TMEM132D: variants seen among roughly 807,000 people sequenced by gnomAD.
The protein encoded by TMEM132D is mature OL transmembrane protein.
A neutral mutation model predicts 62.3 loss-of-function variants in TMEM132D; 21 were observed. That is an observed-to-expected ratio of 0.34 (90% CI 0.24 to 0.49). The LOEUF (loss-of-function observed/expected upper bound fraction) is 0.49. Among genes scored for constraint, TMEM132D ranks in the 20% least tolerant of loss-of-function variants. TMEM132D has a pLI of 0.99. For missense variants in TMEM132D, 1,346 were observed against 1,402.8 expected (o/e 0.96, Z 0.65); for synonymous variants, 621 against 575.6 (o/e 1.08, Z -1.13).
intron 4 of TMEM132D, among the ~76,000 whole-genome samples, chr12:129,297,868 G>A (rs1013655327): frequency 1.3e-5 from 2 of 152,118 alleles, no homozygotes; most frequent in Non-Finnish European, 2.9e-5. Context: ...GGCTACTTAA[G>A]CAGCCAGTAT....
intron 1 of TMEM132D, among the ~76,000 whole-genome samples, chr12:129,748,394 CA>C (rs368888841): frequency 0.016 from 2,358 of 152,112 alleles, 29 homozygotes; most frequent in Middle Eastern, 0.044. Flanking sequence ...GGTGGTAAAC[CA>C]AATGGGCTTT....
intron 4 of TMEM132D, among the ~76,000 whole-genome samples, chr12:129,235,082 G>A (rs1253675697): frequency 6.6e-6 from 1 of 152,152 alleles, no homozygotes; most frequent in Non-Finnish European, 1.5e-5. Flanking sequence ...TTCTATCTTT[G>A]AGGGCGGACT....
chr12:129,308,632 T>C (rs946083722), intron 4 of TMEM132D, among the ~76,000 whole-genome samples: 54 of 152,264 alleles, frequency 3.5e-4, no homozygotes, highest in African/African-American at 1.2e-3. Context: ...AATAAAATGA[T>C]CCTTCAGAAA....
intron 5 of TMEM132D, among the ~76,000 whole-genome samples, chr12:129,197,159 G>A (rs555894157): frequency 5.6e-4 from 85 of 152,282 alleles, no homozygotes; most frequent in Middle Eastern, 6.8e-3. Context: ...GTGTGGCTGT[G>A]CGGCAATGAA....
At chr12:129,639,771 G>C (rs764081671) in intron 2 of TMEM132D, among the ~76,000 whole-genome samples, 16 of 152,166 alleles carry the variant, frequency 1.1e-4, no homozygotes, top group Non-Finnish European at 2.2e-4. Flanking sequence ...CAGGCACTAT[G>C]AGAACCTAGG....
At chr12:129,236,778 G>C (rs1309167584) in intron 4 of TMEM132D, among the ~76,000 whole-genome samples, 1 of 152,106 alleles carries the variant, frequency 6.6e-6, no homozygotes, top group South Asian at 2.1e-4. Context: ...CTAGTGTGAT[G>C]AGAGTGGGCA....
intron 4 of TMEM132D, among the ~76,000 whole-genome samples, chr12:129,231,586 T>C (rs899102334): frequency 6.6e-6 from 1 of 152,198 alleles, no homozygotes; most frequent in East Asian, 1.9e-4. Context: ...TCATTATTAT[T>C]TTTTATTTCA....
chr12:129,366,124 ACACT>A (rs1459713141), intron 3 of TMEM132D, among the ~76,000 whole-genome samples: 1 of 152,210 alleles, frequency 6.6e-6, no homozygotes, highest in Non-Finnish European at 1.5e-5. Context: ...AATAAAAAAA[ACACT>A]CACCCGGATA....
At chr12:129,149,318 A>G (rs1877005354) in intron 5 of TMEM132D, among the ~76,000 whole-genome samples, 1 of 152,048 alleles carries the variant, frequency 6.6e-6, no homozygotes, top group Non-Finnish European at 1.5e-5. Context: ...TAGGTGCAGC[A>G]CACCACCATG....
intron 5 of TMEM132D, among the ~76,000 whole-genome samples, chr12:129,131,160 A>C (rs1369949033): frequency 6.6e-6 from 1 of 152,220 alleles, no homozygotes; most frequent in Non-Finnish European, 1.5e-5. Context: ...TTAGATATGC[A>C]CAGTCATATG....
intron 3 of TMEM132D, among the ~76,000 whole-genome samples, chr12:129,457,518 C>T (rs1873513770): frequency 6.6e-6 from 1 of 150,844 alleles, no homozygotes; most frequent in Admixed American, 6.6e-5. Flanking sequence ...GTGCAGCACA[C>T]CAACATGGCA....
intron 5 of TMEM132D, among the ~76,000 whole-genome samples, chr12:129,116,918 C>CAAAAAAA (rs60513263): frequency 0.013 from 776 of 59,032 alleles, 38 homozygotes; most frequent in South Asian, 0.025. Context: ...AAAATTTCCG[C>CAAAAAAA]AAAAAAAAAA....
At position 129,081,756 on chromosome 12, in the gene TMEM132D, T is replaced by C. The variant is rs533723630; in HGVS notation, c.1923+3A>G. ...ATTTGGGGATTTTTTTTTTTTTTTT[T>C]ACCTGAATGGTGGTCATCCCAAGCT... On this transcript the variant is annotated splice_donor_region_variant and intron_variant, in intron 7 of 8. Transcript: ENST00000422113. 229 of 1,550,338 alleles carry C rather than the reference T, an allele frequency of 1.5e-4. No homozygotes were observed. Among genetic ancestry groups the C allele is most frequent in the South Asian group, 5.7e-4 (47 of 81,858 alleles).
intron 3 of TMEM132D, among the ~76,000 whole-genome samples, chr12:129,474,772 G>T (rs1874210801): frequency 6.6e-6 from 1 of 152,142 alleles, no homozygotes. Context: ...CACTCATCTT[G>T]TCCAATTCTG....
chr12:129,715,893 C>T (rs939465904), intron 1 of TMEM132D, among the ~76,000 whole-genome samples: 5 of 152,194 alleles, frequency 3.3e-5, no homozygotes, highest in Non-Finnish European at 2.9e-5. Flanking sequence ...CACGGCTGCA[C>T]GTCACTGAAT....
intron 2 of TMEM132D, among the ~76,000 whole-genome samples, chr12:129,607,210 G>A (rs1004256993): frequency 1.3e-4 from 20 of 152,216 alleles, no homozygotes; most frequent in African/African-American, 4.3e-4. Flanking sequence ...AAATGATACC[G>A]ATTAAAATCA....
chr12:129,129,419 T>C (rs1441911932), intron 5 of TMEM132D, among the ~76,000 whole-genome samples: 1 of 152,226 alleles, frequency 6.6e-6, no homozygotes, highest in Non-Finnish European at 1.5e-5. Flanking sequence ...TGATCCCATG[T>C]CTGCTGTTGT....
chr12:129,838,161 T>C (rs2137340859), intron 1 of TMEM132D, among the ~76,000 whole-genome samples: 1 of 152,324 alleles, frequency 6.6e-6, no homozygotes, highest in African/African-American at 2.4e-5. Context: ...TTTTAAAGGA[T>C]GACCATAAAT....
At chr12:129,225,740 G>T (rs775818790) in intron 4 of TMEM132D, among the ~76,000 whole-genome samples, 1 of 152,014 alleles carries the variant, frequency 6.6e-6, no homozygotes, top group Non-Finnish European at 1.5e-5. Flanking sequence ...TACGTTCCTG[G>T]CAAAAGGAAA....
Sources: allele counts gnomAD v4.1 joint callset (sites outside exome capture counted in the v4.1 genomes callset), GRCh38; gene constraint gnomAD v4.1.1; transcripts MANE v1.5; gene names NCBI Gene and HGNC (gene_info 2026-07-23, HGNC 2026-07-21).